MIB1: variants seen among roughly 807,000 people sequenced by gnomAD.
The protein encoded by MIB1 is E3 ubiquitin-protein ligase MIB1.
MIB1 carries 278 observed loss-of-function variants against 124.5 expected under a neutral mutation model. The ratio of observed to expected loss-of-function variants is 2.23; its 90% confidence interval spans 2.02 to 2.47. The LOEUF (loss-of-function observed/expected upper bound fraction) is 2.47, where lower values mean the gene tolerates loss of function less well. MIB1 is among the 30% of genes most tolerant of loss of function. The probability of loss-of-function intolerance (pLI) is 0.00; values close to 1 mark genes in which losing one functional copy is unlikely to be tolerated. For missense variants in MIB1, 957 were observed against 1,254.4 expected, an observed-to-expected ratio of 0.76 and a Z score of 3.58; for synonymous variants, 446 against 429.4, an observed-to-expected ratio of 1.04 and a Z score of -0.48.
At chr18:21,793,781 C>CAAAAAAAAAAA (rs67786932) in intron 7 of MIB1, 2 of 29,562 alleles carry the variant, frequency 6.8e-5, no homozygotes, top group Non-Finnish European at 1.4e-4. Context: ...GACCCTGTCT[C>CAAAAAAAAAAA]AAAAAAAAAA....
intron 1 of MIB1, among the ~76,000 whole-genome samples, chr18:21,747,636 C>G (rs7234005): frequency 0.013 from 2,011 of 152,278 alleles, 44 homozygotes; most frequent in African/African-American, 0.046. Flanking sequence ...GTGTGTACAA[C>G]TGAAATAAAG....
At chr18:21,727,786 GA>G (rs34987365) in intron 1 of MIB1, among the ~76,000 whole-genome samples, 7,715 of 152,160 alleles carry the variant, frequency 0.051, 393 homozygotes, top group African/African-American at 0.12. Context: ...GTCAGGAATG[GA>G]AAAAGAAGTC....
At chr18:21,774,105 A>C (rs2041253557) in intron 4 of MIB1, among the ~76,000 whole-genome samples, 1 of 152,214 alleles carries the variant, frequency 6.6e-6, no homozygotes, top group African/African-American at 2.4e-5. Flanking sequence ...TAAAAGTATA[A>C]ATTACAACAA....
chr18:21,847,130 G>C lies in MIB1; in HGVS notation c.2393+5G>C. The C allele has an allele frequency of 3.1e-6, 5 of 1,611,754 alleles. No homozygotes were observed. The highest frequency in any genetic ancestry group is 4.2e-6 in the Non-Finnish European group (5 of 1,178,236). On this transcript the variant is annotated splice_donor_5th_base_variant and intron_variant, in intron 16 of 20. Transcript: ENST00000261537. ...GTGTCATAAGGAAAAAGTCAGGTTT[G>C]TATTATTTATTATCATAAAACTTAA... is the stretch of plus-strand genomic sequence containing the variant.
At chr18:21,752,393 T>C (rs943766212) in intron 1 of MIB1, among the ~76,000 whole-genome samples, 1 of 152,222 alleles carries the variant, frequency 6.6e-6, no homozygotes, top group Non-Finnish European at 1.5e-5. Flanking sequence ...TGGATAATTA[T>C]GTTACCTGAT....
chr18:21,756,473 A>ATT (rs544223883), intron 1 of MIB1, among the ~76,000 whole-genome samples: 2 of 150,764 alleles, frequency 1.3e-5, no homozygotes, highest in African/African-American at 4.9e-5. Context: ...TCTTTTTTTT[A>ATT]TTTTTTTTTG....
intron 6 of MIB1, among the ~76,000 whole-genome samples, chr18:21,781,470 G>A (rs1752753956): frequency 6.8e-6 from 1 of 147,898 alleles, no homozygotes; most frequent in South Asian, 2.1e-4. Context: ...CCAGGCTGGA[G>A]TGGCACGATG....
At chr18:21,804,850 A>T (rs2146460812) in intron 10 of MIB1, among the ~76,000 whole-genome samples, 2 of 152,284 alleles carry the variant, frequency 1.3e-5, no homozygotes, top group Middle Eastern at 6.8e-3. Flanking sequence ...CATATTGGAA[A>T]AGAGAAGCCT....
intron 12 of MIB1, chr18:21,827,200 T>A (rs2041933466): frequency 6.6e-6 from 1 of 152,134 alleles, no homozygotes; most frequent in Admixed American, 6.6e-5. Flanking sequence ...ATGCCCAGAG[T>A]TTAATATGTA....
Position 21,865,894 on chromosome 18 carries a change from C to T in MIB1, c.*1228C>T, listed in dbSNP as rs2042317908. The T allele has an allele frequency of 3.7e-5, 2 of 54,366 alleles. No individual in the cohort carries two copies. The highest frequency in any genetic ancestry group is 6.4e-4 in the South Asian group (1 of 1,566). The allele number at this position is 54,366 out of a possible 1,614,324, so 3.4% of individuals were successfully genotyped here. On this transcript the variant is annotated 3_prime_UTR_variant, in exon 21 of 21. Coordinates refer to ENST00000261537, the MANE Select transcript of MIB1 (RefSeq NM_020774.4). ...GGACATGTATAGAAATGTCTGCTTA[C>T]CTGTAGACTTTAAAAACAAACAAAA...
intron 7 of MIB1, 23 bp from the exon 8 acceptor site, chr18:21,798,061 A>G (rs773462589): frequency 4.5e-5 from 72 of 1,611,208 alleles, no homozygotes; most frequent in Non-Finnish European, 5.9e-5. Flanking sequence ...ACTTGGAAAC[A>G]TGAATCTATT....
intron 1 of MIB1, among the ~76,000 whole-genome samples, chr18:21,752,670 C>G (rs961271695): frequency 6.6e-6 from 1 of 152,120 alleles, no homozygotes; most frequent in Non-Finnish European, 1.5e-5. Flanking sequence ...CTCTCCAGGC[C>G]TTGTGGTACA....
chr18:21,851,527 C>G (rs2042180109), intron 17 of MIB1, among the ~76,000 whole-genome samples: 1 of 151,980 alleles, frequency 6.6e-6, no homozygotes, highest in Non-Finnish European at 1.5e-5. Context: ...ATAGTGACCC[C>G]AAGTGGTTAA....
At chr18:21,778,544 C>G (rs2041319357) in intron 5 of MIB1, among the ~76,000 whole-genome samples, 1 of 151,890 alleles carries the variant, frequency 6.6e-6, no homozygotes, top group South Asian at 2.1e-4. Flanking sequence ...AATTGTCTTC[C>G]TAAGTACAGC....
intron 1 of MIB1, among the ~76,000 whole-genome samples, chr18:21,763,700 A>G (rs2146403911): frequency 6.6e-6 from 1 of 152,068 alleles, no homozygotes; most frequent in East Asian, 1.9e-4. Context: ...TCTCGTTTAG[A>G]CTTTCTCATT....
At chr18:21,845,551 T>C (rs1387637200) in intron 15 of MIB1, among the ~76,000 whole-genome samples, 1 of 152,222 alleles carries the variant, frequency 6.6e-6, no homozygotes, top group African/African-American at 2.4e-5. Context: ...TTGTGTGACA[T>C]ATGGATCCAG....
chr18:21,803,835 T>G (rs2041675776), intron 9 of MIB1, 72 bp from the exon 10 acceptor site: 3 of 1,133,958 alleles, frequency 2.6e-6, no homozygotes, highest in Non-Finnish European at 2.6e-6. Flanking sequence ...GACTTAAACC[T>G]ACACCGTATG....
At position 21,849,224 on chromosome 18, in the gene MIB1, A is replaced by G; in HGVS notation, c.2422A>G (p.Met808Val). 3.1e-6 allele frequency: 5 copies of G among 1,591,746 alleles called. No individual in the cohort carries two copies. The highest frequency in any genetic ancestry group is 1.8e-5 in the Admixed American group (1 of 56,174). The change falls in exon 17 of 21, where the codon ATG becomes GTG. Residue 808 changes from methionine to valine, a missense_variant. Physicochemically the swap from Met to Val is conservative, Grantham distance 21. Transcript: ENST00000261537. ...TCAAGTGGGTTCTCGGAGTCCTTCTATGATTAGTAATGATTCTGAAACCTT... is the reference window on the plus strand; with the variant it reads ...TCAAGTGGGTTCTCGGAGTCCTTCTGTGATTAGTAATGATTCTGAAACCTT... Reference protein sequence around the residue: ...SGQVGSRSPSMISNDSETLEE... With the variant: ...SGQVGSRSPSVISNDSETLEE...
rs1327895313 is a variant in MIB1 at position 21,819,512 on chromosome 18, C to T, written c.1695C>T (p.Thr565=). 2 of 1,601,522 alleles carry T rather than the reference C, an allele frequency of 1.2e-6. No individual in the cohort carries two copies. The highest frequency in any genetic ancestry group is 1.7e-5 in the Admixed American group (1 of 58,906). Residue 565 remains threonine, a synonymous_variant, in exon 12 of 21, where the codon ACC becomes ACT. Transcript: ENST00000261537. ...HPSLQDSEGD[T]PLHDAISKKR... ...ACTTAAAGGATTCTGAAGGTGATACCCCTCTTCATGATGCAATAAGTAAGA... is the reference window on the plus strand; with the variant it reads ...ACTTAAAGGATTCTGAAGGTGATACTCCTCTTCATGATGCAATAAGTAAGA...
Sources: gnomAD v4.1 joint callset for allele counts (sites outside exome capture counted in the v4.1 genomes callset) on GRCh38, gnomAD v4.1.1 for gene constraint, MANE v1.5 for transcripts, NCBI Gene and HGNC (gene_info 2026-07-23, HGNC 2026-07-21) for gene names.